CNTNAP3: variants seen among roughly 807,000 people sequenced by gnomAD.
CNTNAP3 encodes the protein contactin associated protein family member 3, also known as contactin-associated protein-like 3.
A neutral mutation model predicts 92.1 loss-of-function variants in CNTNAP3; 36 were observed. That is an observed-to-expected ratio of 0.39 (90% CI 0.30 to 0.52). The LOEUF is 0.52. Ranked by LOEUF, CNTNAP3 falls within the 20% of genes least tolerant of loss-of-function variation. The pLI is 0.76. For missense variants in CNTNAP3, 534 were observed against 1,069.6 expected (o/e 0.50, Z 6.98); for synonymous variants, 232 against 422.3 (o/e 0.55, Z 5.53).
chr9:39,111,671 A>T (rs935104287), intron 14 of CNTNAP3, among the ~76,000 whole-genome samples: 1 of 152,134 alleles, frequency 6.6e-6, no homozygotes, highest in Non-Finnish European at 1.5e-5. Flanking sequence ...CATTTTAGCA[A>T]GATAGTCTAG....
At chr9:39,088,100 G>C (rs1184334571) in intron 19 of CNTNAP3, among the ~76,000 whole-genome samples, 1 of 152,008 alleles carries the variant, frequency 6.6e-6, no homozygotes, top group African/African-American at 2.4e-5. Context: ...CATGTATCTA[G>C]ATATCTTATT....
In CNTNAP3 at chr9:39,111,708, T is replaced by C. The variant is rs568359314; in HGVS notation, c.2238-2421A>G. On this transcript the variant is annotated intron_variant, in intron 14 of 23. Coordinates refer to ENST00000297668, the MANE Select transcript of CNTNAP3 (RefSeq NM_033655.5). ...AGAGAAAATGCAATTTAATTATTTA[T>C]GGAGGATGCTTGTATTTTAAAAGAT... Among the ~76,000 whole-genome samples, 685 of 152,300 alleles carry C rather than the reference T, an allele frequency of 4.5e-3. 4 individuals carry two copies. Among genetic ancestry groups the C allele is most frequent in the African/African-American group, 0.016 (651 of 41,572 alleles).
In CNTNAP3 at chr9:39,067,815, C is replaced by T. The variant is rs1323312280; in HGVS notation, c.*6075G>A. 6.4e-3 allele frequency among the ~76,000 whole-genome samples: 952 copies of T among 149,378 alleles called. No individual in the cohort carries two copies. Among genetic ancestry groups the T allele is most frequent in the African/African-American group, 0.023 (895 of 38,750 alleles). Reference sequence around the variant, plus strand: ...ATCTTTGAAGATTTGTTCAGTGGGGCCGCCATAGTAATACATGGTCTAGGA... The same window carrying T: ...ATCTTTGAAGATTTGTTCAGTGGGGTCGCCATAGTAATACATGGTCTAGGA... On this transcript the variant is annotated 3_prime_UTR_variant, in exon 24 of 24. Coordinates refer to ENST00000297668, the MANE Select transcript of CNTNAP3 (RefSeq NM_033655.5).
intron 14 of CNTNAP3, among the ~76,000 whole-genome samples, chr9:39,117,527 T>A (rs1820888873): frequency 6.6e-6 from 1 of 152,188 alleles, no homozygotes; most frequent in Admixed American, 6.5e-5. Context: ...ATTTTCAAAT[T>A]CCAGAAAGTC....
chr9:39,131,385 C>G (rs2990094), intron 13 of CNTNAP3, among the ~76,000 whole-genome samples: 1 of 152,162 alleles, frequency 6.6e-6, no homozygotes, highest in Non-Finnish European at 1.5e-5. Context: ...GACAGACTTA[C>G]CACTTGAACT....
chr9:39,111,495 A>C (rs1826746466), intron 14 of CNTNAP3, among the ~76,000 whole-genome samples: 1 of 151,978 alleles, frequency 6.6e-6, no homozygotes, highest in Non-Finnish European at 1.5e-5. Context: ...ATTTTTATGC[A>C]AAGAACAGAA....
intron 13 of CNTNAP3, among the ~76,000 whole-genome samples, chr9:39,122,459 A>G (rs1821052737): frequency 6.6e-6 from 1 of 152,232 alleles, no homozygotes; most frequent in Non-Finnish European, 1.5e-5. Context: ...CTGTATAGTA[A>G]CAGGAGATTA....
chr9:39,083,077 A>G (rs1307461332), intron 21 of CNTNAP3, among the ~76,000 whole-genome samples: 1 of 151,906 alleles, frequency 6.6e-6, no homozygotes, highest in Non-Finnish European at 1.5e-5. Flanking sequence ...TTAAAACTGT[A>G]TGTCTTATGT....
chr9:39,117,941 A>G, intron 14 of CNTNAP3, 162 bp downstream of exon 14: 1 of 1,322,764 alleles, frequency 7.6e-7, no homozygotes. Context: ...ATAAAATTTA[A>G]TCCTTAGATT....
intron 23 of CNTNAP3, among the ~76,000 whole-genome samples, chr9:39,076,769 C>T (rs991624311): frequency 2.6e-5 from 4 of 152,306 alleles, no homozygotes; most frequent in Admixed American, 2.6e-4. Flanking sequence ...GAGATCGAGA[C>T]CATTCTGGCT....
intron 13 of CNTNAP3, among the ~76,000 whole-genome samples, chr9:39,130,390 G>C (rs1445923832): frequency 2.0e-5 from 3 of 149,986 alleles, no homozygotes; most frequent in African/African-American, 4.9e-5. Context: ...CAACCACAAA[G>C]AGTACATACT....
At chr9:39,118,993 G>A (rs1171045448) in intron 13 of CNTNAP3, among the ~76,000 whole-genome samples, 1 of 152,104 alleles carries the variant, frequency 6.6e-6, no homozygotes, top group Non-Finnish European at 1.5e-5. Context: ...GCTGCCAGGG[G>A]TTGGGAGTGA....
intron 18 of CNTNAP3, among the ~76,000 whole-genome samples, chr9:39,090,790 C>T (rs1826178095): frequency 1.3e-5 from 2 of 152,306 alleles, no homozygotes; most frequent in Non-Finnish European, 2.9e-5. Context: ...TTAGAGAACA[C>T]TGGTATTTTA....
chr9:39,074,832 G>A (rs1351262056), intron 23 of CNTNAP3, among the ~76,000 whole-genome samples: 3 of 111,000 alleles, frequency 2.7e-5, no homozygotes, highest in Admixed American at 1.8e-4. Context: ...GCAGTGGCGC[G>A]ATCTCGGCTC....
Position 39,142,369 on chromosome 9 carries a change from C to T in CNTNAP3, c.1757-1731G>A, listed in dbSNP as rs542384204. 9.9e-5 allele frequency among the ~76,000 whole-genome samples: 15 copies of T among 152,182 alleles called. No individual in the cohort carries two copies. The South Asian group carries it at 3.1e-3, about 32-fold the overall frequency. On this transcript the variant is annotated intron_variant, in intron 11 of 23. Transcript: ENST00000297668. ...ACCTCTGGTGTGAGAGGCCACTCAA[C>T]TCCTAGAAAATGTGTCACAGCGGCT...
chr9:39,084,705 G>A (rs552486577), intron 21 of CNTNAP3, among the ~76,000 whole-genome samples: 5 of 152,148 alleles, frequency 3.3e-5, no homozygotes, highest in Admixed American at 1.3e-4. Context: ...TGTAGTTTTG[G>A]TATAATTACT....
At chr9:39,131,106 C>A (rs1197025710) in intron 13 of CNTNAP3, among the ~76,000 whole-genome samples, 1 of 150,436 alleles carries the variant, frequency 6.6e-6, no homozygotes, top group Non-Finnish European at 1.5e-5. Flanking sequence ...TCCAAAAGAT[C>A]ACCTGGGGAT....
chr9:39,088,188 C>T (rs536897730), intron 19 of CNTNAP3, among the ~76,000 whole-genome samples: 145 of 151,932 alleles, frequency 9.5e-4, no homozygotes, highest in African/African-American at 3.3e-3. Flanking sequence ...AATATAACTG[C>T]ATATCAACTC....
In CNTNAP3 at chr9:39,100,092, G is replaced by A. The variant is rs764873087; in HGVS notation, c.2814C>T (p.Asn938=). 79 of 1,583,070 alleles carry A rather than the reference G, an allele frequency of 5.0e-5. 1 individual carries two copies. The Admixed American group carries it at 8.1e-4, about 16-fold the overall frequency. The part of the protein sequence containing the change: ...FLGCIRSLQL[N]GVALDLEERA... ...TTTCTTCCAGATCCAGGGCCACCCC[G>A]TTCAACTGCAGAGACCGAATGCATC... The change falls in exon 18 of 24, where the codon AAC becomes AAT. Residue 938 remains asparagine (N), a synonymous_variant. Coordinates refer to ENST00000297668, the MANE Select transcript of CNTNAP3 (RefSeq NM_033655.5).
Sources: gnomAD v4.1 joint callset for allele counts (sites outside exome capture counted in the v4.1 genomes callset) on GRCh38, gnomAD v4.1.1 for gene constraint, MANE v1.5 for transcripts, NCBI Gene and HGNC (gene_info 2026-07-23, HGNC 2026-07-21) for gene names.